Variants in TSPAN19 observed in about 807,000 individuals in gnomAD.
TSPAN19 encodes the protein tetraspanin-19.
Under a neutral mutation model 35.1 loss-of-function variants are expected in TSPAN19, and 44 were observed. The ratio of observed to expected loss-of-function variants is 1.25; its 90% CI spans 0.98 to 1.61. The LOEUF is 1.61. Among genes scored for constraint, TSPAN19 ranks in the 40% most tolerant of loss-of-function variants. TSPAN19 has a pLI of 0.00. For synonymous variants in TSPAN19, 79 were observed against 92.0 expected (o/e 0.86, Z 0.81); for missense variants, 290 against 280.0 (o/e 1.04, Z -0.26).
At position 85,015,930 on chromosome 12, in the gene TSPAN19, CA is replaced by C. The variant is rs1392806040; in HGVS notation, c.635del (p.Val212GlyfsTer2). 1.9e-6 allele frequency: 3 copies of C among 1,551,010 alleles called. No individual in the cohort carries two copies. ...NKISAWYNVNVLTLIGINFGL... is the reference protein window; with the variant it reads ...NKISAWYNVNXLTLIGINFGL... The stretch of plus-strand genomic sequence containing the variant: ...CAAAGTTAATTCCGATTAAGGTTAA[CA>C]CATTAACATTATACCATGCACTGAT... On this transcript the variant is annotated frameshift_variant, in exon 8 of 9. Coordinates refer to ENST00000532498, the MANE Select transcript of TSPAN19 (RefSeq NM_001100917.2). LOFTEE classifies it high-confidence loss of function.
At chr12:85,019,759 T>C in intron 5 of TSPAN19, 23 bp from the exon 6 acceptor site, 1 of 1,433,714 alleles carries the variant, frequency 7.0e-7, no homozygotes, top group Non-Finnish European at 9.6e-7. Context: ...GTATTAAAAA[T>C]GAAAATTTCA....
chr12:85,019,679 C>T lies in TSPAN19; in HGVS notation c.397G>A (p.Asp133Asn), dbSNP rs1877013378. The T allele has an allele frequency of 6.2e-7, 1 of 1,610,210 alleles. No individual in the cohort carries two copies. The highest frequency in any genetic ancestry group is 1.7e-5 in the Admixed American group (1 of 59,372). ...DFVISEYGSK[D>N]KPEDITKWTI... ...CACTTGGTTATATCTTCAGGCTTAT[C>T]TTTAGATCCATACTCAGAAATGACA... The change falls in exon 6 of 9, where the codon GAT becomes AAT. Residue 133 changes from aspartate to asparagine, a missense_variant. Asp to Asn is a conservative substitution (Grantham distance 23, BLOSUM62 1). Coordinates refer to ENST00000532498, the MANE Select transcript of TSPAN19 (RefSeq NM_001100917.2).
At chr12:85,023,447 G>A in intron 4 of TSPAN19, 47 bp from the exon 5 acceptor site, 1 of 1,399,640 alleles carries the variant, frequency 7.1e-7, no homozygotes, top group Non-Finnish European at 9.9e-7. Flanking sequence ...ACTAATATAT[G>A]TTTTGTATGC....
intron 8 of TSPAN19, chr12:85,015,539 TATAC>T (rs1207958932): frequency 4.2e-4 from 57 of 136,398 alleles, no homozygotes; most frequent in Non-Finnish European, 6.9e-4. Flanking sequence ...TATATGAACA[TATAC>T]ACACACACAC....
intron 1 of TSPAN19, among the ~76,000 whole-genome samples, chr12:85,032,071 G>A (rs920664755): frequency 6.6e-6 from 1 of 151,896 alleles, no homozygotes; most frequent in African/African-American, 2.4e-5. Context: ...GGTAATCACT[G>A]GAAATTTAAA....
At chr12:85,033,210 T>C (rs1378325723) in intron 1 of TSPAN19, among the ~76,000 whole-genome samples, 1 of 151,998 alleles carries the variant, frequency 6.6e-6, no homozygotes, top group Admixed American at 6.6e-5. Flanking sequence ...TAGGAAATAT[T>C]CAAGACAGAG....
chr12:85,026,007 T>G (rs1252701320), intron 4 of TSPAN19, among the ~76,000 whole-genome samples: 1 of 152,200 alleles, frequency 6.6e-6, no homozygotes, highest in East Asian at 1.9e-4. Context: ...GGAATGGTAG[T>G]ATCTTGGTTC....
chr12:85,017,916 A>G (rs1876905811), intron 6 of TSPAN19, among the ~76,000 whole-genome samples: 1 of 151,868 alleles, frequency 6.6e-6, no homozygotes, highest in Non-Finnish European at 1.5e-5. Flanking sequence ...GGACCATAAT[A>G]TAAAACAATC....
intron 1 of TSPAN19, 59 bp from the exon 2 acceptor site, chr12:85,030,032 C>T (rs1462649993): frequency 9.7e-6 from 12 of 1,235,268 alleles, no homozygotes; most frequent in Non-Finnish European, 1.3e-5. Flanking sequence ...ATATTTCTCC[C>T]TACTTATGTT....
intron 1 of TSPAN19, 35 bp from the exon 2 acceptor site, chr12:85,030,008 C>A: frequency 7.6e-7 from 1 of 1,322,982 alleles, no homozygotes. Flanking sequence ...AAACATTCTA[C>A]ACAACAACTT....
At chr12:85,015,772 G>A (rs534554089) in intron 8 of TSPAN19, 116 bp downstream of exon 8, 6 of 700,022 alleles carry the variant, frequency 8.6e-6, no homozygotes, top group South Asian at 8.2e-5. Flanking sequence ...GAGCCTCAAA[G>A]TCCTGGCTCT....
intron 4 of TSPAN19, among the ~76,000 whole-genome samples, chr12:85,026,873 CATAGACTG>C (rs1271837340): frequency 1.3e-5 from 2 of 152,098 alleles, no homozygotes; most frequent in African/African-American, 4.8e-5. Context: ...TGGTAACTGG[CATAGACTG>C]ATAACTAGTG....
At chr12:85,017,647 GT>G in intron 6 of TSPAN19, 48 bp from the exon 7 acceptor site, 1 of 1,414,066 alleles carries the variant, frequency 7.1e-7, no homozygotes, top group South Asian at 1.4e-5. Context: ...TCAAAATGCA[GT>G]TAATTATATG....
Position 85,029,708 on chromosome 12 carries a change from T to G in TSPAN19, c.139+11A>C. On this transcript the variant is annotated intron_variant, in intron 3 of 8. Coordinates refer to ENST00000532498, the MANE Select transcript of TSPAN19 (RefSeq NM_001100917.2). ...TATTTCACTGAGAGAAAAACAAAAA[T>G]AGATACATACCAAAAGCTGTTAAAA... 1.3e-6 allele frequency: 2 copies of G among 1,527,314 alleles called. No homozygotes were observed. Among genetic ancestry groups the G allele is most frequent in the Non-Finnish European group, 1.8e-6 (2 of 1,137,148 alleles). 94.6% of individuals were successfully genotyped at this position (1,527,314 alleles called of 1,614,324 possible).
chr12:85,019,865 T>C, intron 5 of TSPAN19, 129 bp from the exon 6 acceptor site: 1 of 553,316 alleles, frequency 1.8e-6, no homozygotes, highest in Non-Finnish European at 3.2e-6. Flanking sequence ...GTTTTCTGTT[T>C]ATTTCTTTTT....
chr12:85,028,788 TG>T (rs1877545553), intron 3 of TSPAN19, among the ~76,000 whole-genome samples: 1 of 152,094 alleles, frequency 6.6e-6, no homozygotes. Flanking sequence ...ACCATGGAAA[TG>T]GGCAGATGTC....
chr12:85,014,403 T>C lies in TSPAN19; in HGVS notation c.*84A>G. 1 of 965,476 alleles carries C rather than the reference T, an allele frequency of 1.0e-6. No individual in the cohort carries two copies. Among genetic ancestry groups the C allele is most frequent in the Non-Finnish European group, 1.5e-6 (1 of 645,526 alleles). The allele number at this position is 965,476 out of a possible 1,614,324, so 59.8% of individuals were successfully genotyped here. A position where few individuals can be genotyped will look rare whatever the true frequency, so the allele number is the denominator to read the frequency against. Reference sequence around the variant, plus strand: ...TGAATACATCTGTTATTTAATACAATTCAAAACGTTTTTGGAATAAAATAA... The same window carrying C: ...TGAATACATCTGTTATTTAATACAACTCAAAACGTTTTTGGAATAAAATAA... On this transcript the variant is annotated 3_prime_UTR_variant, in exon 9 of 9. Coordinates refer to ENST00000532498, the MANE Select transcript of TSPAN19 (RefSeq NM_001100917.2).
intron 8 of TSPAN19, 80 bp from the exon 9 acceptor site, chr12:85,014,635 C>A (rs932081580): frequency 4.0e-6 from 4 of 1,009,528 alleles, no homozygotes; most frequent in African/African-American, 1.6e-5. Context: ...TATATAGTCA[C>A]CAAAATGCGT....
At position 85,019,728 on chromosome 12, in the gene TSPAN19, T is replaced by C. The variant is rs1277967278; in HGVS notation, c.348A>G (p.Gln116=). ...CAAAATCAATTTTGTCATGCCATAGTTGCTGAACCTGTAGAAAATTGTATT... is the reference window on the plus strand; with the variant it reads ...CAAAATCAATTTTGTCATGCCATAGCTGCTGAACCTGTAGAAAATTGTATT... ...FIITKKEEVQ[Q]LWHDKIDFVI... is the part of the protein sequence containing the mutation. Residue 116 remains glutamine (Q), a synonymous_variant, in exon 6 of 9, where the codon CAA becomes CAG. Coordinates refer to ENST00000532498, the MANE Select transcript of TSPAN19 (RefSeq NM_001100917.2). 3 of 1,582,002 alleles carry C rather than the reference T, an allele frequency of 1.9e-6. No homozygotes were observed. Among genetic ancestry groups the C allele is most frequent in the Admixed American group, 1.9e-5 (1 of 53,904 alleles).
Sources: gnomAD v4.1 joint callset for allele counts (sites outside exome capture counted in the v4.1 genomes callset) on GRCh38, gnomAD v4.1.1 for gene constraint, MANE v1.5 for transcripts, NCBI Gene and HGNC (gene_info 2026-07-23, HGNC 2026-07-21) for gene names.